The following SGPP2 variants were observed in gnomAD, a reference collection of about 807,000 sequenced individuals.
SGPP2 encodes sphingosine-1-phosphate phosphatase 2, also known as sphingosine 1-phosphate phosphohydrolase 2.
In SGPP2, 30 loss-of-function variants were observed where a neutral mutation model predicts 33.9. The observed-to-expected ratio is 0.89, with a 90% confidence interval of 0.66 to 1.20. SGPP2 has a LOEUF of 1.20. Among genes scored for constraint, SGPP2 ranks in the 50% most tolerant of loss-of-function variants. The pLI, the probability that SGPP2 is intolerant of heterozygous loss-of-function variation, is 0.00. For missense variants in SGPP2, 458 were observed against 532.1 expected, an observed-to-expected ratio of 0.86 and a Z score of 1.37; for synonymous variants, 233 against 225.0, an observed-to-expected ratio of 1.04 and a Z score of -0.32.
At chr2:222,424,195 T>C (rs886334962), upstream of SGPP2, among the ~76,000 whole-genome samples, 1 of 146,894 alleles carries the variant, frequency 6.8e-6, no homozygotes, top group Admixed American at 7.1e-5. Context: ...AAGGATGGGC[T>C]AATGGGAGCG....
intron 4 of SGPP2, among the ~76,000 whole-genome samples, chr2:222,546,825 CAAAA>C (rs5838955): frequency 7.7e-5 from 9 of 116,628 alleles, no homozygotes; most frequent in Admixed American, 1.8e-4. Context: ...ACACATGTTG[CAAAA>C]AAAAAAAAAA....
Position 222,561,569 on chromosome 2 carries a change from C to T in SGPP2, c.*2671C>T, listed in dbSNP as rs1299889459. Among the ~76,000 whole-genome samples, 1 of 149,668 alleles carries T rather than the reference C, an allele frequency of 6.7e-6. No individual in the cohort carries two copies. Among genetic ancestry groups the T allele is most frequent in the East Asian group, 1.9e-4 (1 of 5,164 alleles). ...ATATATATCATATACATAATTTTTACTGCTGTCTCTAGTTTTAAGTCCCAA... is the reference window on the plus strand; with the variant it reads ...ATATATATCATATACATAATTTTTATTGCTGTCTCTAGTTTTAAGTCCCAA... On this transcript the variant is annotated 3_prime_UTR_variant, in exon 5 of 5. Transcript: ENST00000321276.
intron 1 of SGPP2, among the ~76,000 whole-genome samples, chr2:222,459,555 G>A (rs147093274): frequency 5.7e-4 from 87 of 152,200 alleles, no homozygotes; most frequent in African/African-American, 2.0e-3. Flanking sequence ...GTATGGCAGA[G>A]TCCCATTATA....
intron 1 of SGPP2, among the ~76,000 whole-genome samples, chr2:222,458,107 G>A (rs577380877): frequency 3.3e-5 from 5 of 152,298 alleles, no homozygotes; most frequent in East Asian, 1.9e-4. Context: ...CCGAAGTGCA[G>A]TGGAGAGATC....
chr2:222,443,068 C>T (rs554921425), intron 1 of SGPP2, among the ~76,000 whole-genome samples: 18 of 152,236 alleles, frequency 1.2e-4, no homozygotes, highest in African/African-American at 4.3e-4. Flanking sequence ...TTAATGCTTC[C>T]TCCTCTAAAA....
At chr2:222,509,109 G>A (rs901654070) in intron 2 of SGPP2, among the ~76,000 whole-genome samples, 11 of 151,716 alleles carry the variant, frequency 7.3e-5, no homozygotes, top group Admixed American at 2.0e-4. Context: ...GGAGACCACA[G>A]AGCACTTTGT....
At chr2:222,490,462 T>C (rs1488686791) in intron 2 of SGPP2, among the ~76,000 whole-genome samples, 1 of 152,200 alleles carries the variant, frequency 6.6e-6, no homozygotes, top group Non-Finnish European at 1.5e-5. Flanking sequence ...AGGGTCTTGC[T>C]CTGTTGCCTA....
At chr2:222,531,716 A>G (rs896348984) in intron 4 of SGPP2, among the ~76,000 whole-genome samples, 2 of 152,182 alleles carry the variant, frequency 1.3e-5, no homozygotes, top group Non-Finnish European at 2.9e-5. Flanking sequence ...TAATAGATAT[A>G]TGGAGGTGGG....
intron 2 of SGPP2, among the ~76,000 whole-genome samples, chr2:222,514,011 A>G (rs1698567686): frequency 6.6e-6 from 1 of 151,834 alleles, no homozygotes; most frequent in Non-Finnish European, 1.5e-5. Flanking sequence ...AAATAATAGC[A>G]CCTCCTGTTA....
Position 222,526,487 on chromosome 2 carries a change from C to T in SGPP2, c.648+1454C>T, listed in dbSNP as rs557844504. 2.0e-4 allele frequency among the ~76,000 whole-genome samples: 31 copies of T among 152,248 alleles called. No homozygotes were observed. The South Asian group carries it at 6.2e-3, about 31-fold the overall frequency. On this transcript the variant is annotated intron_variant, in intron 4 of 4. Coordinates refer to ENST00000321276, the MANE Select transcript of SGPP2 (RefSeq NM_152386.4). ...AGGGCGTTCTCTATTTGCTACACTG[C>T]CACTTCGTGTTACAAAGAGGTTCTC...
intron 4 of SGPP2, among the ~76,000 whole-genome samples, chr2:222,533,127 CAG>C (rs112681825): frequency 6.6e-6 from 1 of 152,012 alleles, no homozygotes; most frequent in Non-Finnish European, 1.5e-5. Flanking sequence ...AAGGAAAAGA[CAG>C]AGAGAAAGAG....
At chr2:222,535,165 T>C (rs1698894611) in intron 4 of SGPP2, among the ~76,000 whole-genome samples, 1 of 150,828 alleles carries the variant, frequency 6.6e-6, no homozygotes, top group African/African-American at 2.4e-5. Context: ...TCACCTGAGG[T>C]CAGGAGTTCA....
At chr2:222,485,278 G>A (rs74987695) in intron 2 of SGPP2, among the ~76,000 whole-genome samples, 16,769 of 152,214 alleles carry the variant, frequency 0.11, 1,248 homozygotes, top group South Asian at 0.23. Flanking sequence ...ATTTGCAAGT[G>A]CCTATATCTA....
At chr2:222,529,152 T>G (rs1444874982) in intron 4 of SGPP2, among the ~76,000 whole-genome samples, 1 of 152,190 alleles carries the variant, frequency 6.6e-6, no homozygotes, top group African/African-American at 2.4e-5. Flanking sequence ...ATTCTGTCCT[T>G]TCTTGTCATT....
intron 4 of SGPP2, among the ~76,000 whole-genome samples, chr2:222,558,106 C>A (rs1024921228): frequency 1.3e-5 from 2 of 151,948 alleles, no homozygotes; most frequent in African/African-American, 4.8e-5. Flanking sequence ...AGAATTTATT[C>A]CAAAAGGTAA....
At position 222,527,526 on chromosome 2, in the gene SGPP2, G is replaced by A. The variant is rs1191174349; in HGVS notation, c.648+2493G>A. Among the ~76,000 whole-genome samples, 8 of 152,184 alleles carry A rather than the reference G, an allele frequency of 5.3e-5. No individual in the cohort carries two copies. In the South Asian group the frequency reaches 1.7e-3, roughly 31 times the overall value. ...CCATGGGGTTTGAATATGCAGCTAT[G>A]GTTGAGAGCCATTATAAAAGACATT... On this transcript the variant is annotated intron_variant, in intron 4 of 4. Coordinates refer to ENST00000321276, the MANE Select transcript of SGPP2 (RefSeq NM_152386.4).
chr2:222,561,748 GA>G lies in SGPP2; in HGVS notation c.*2851del, dbSNP rs1365161408. Among the ~76,000 whole-genome samples, 5 of 151,852 alleles carry G rather than the reference GA, an allele frequency of 3.3e-5. No homozygotes were observed. The highest frequency in any genetic ancestry group is 1.2e-4 in the African/African-American group (5 of 41,320). ...TTAAAGTATTTGATTACTGCAACTG[GA>G]GAATGAAAAGTGTATATTGGTGACG... On this transcript the variant is annotated 3_prime_UTR_variant, in exon 5 of 5. Transcript: ENST00000321276.
intron 1 of SGPP2, among the ~76,000 whole-genome samples, chr2:222,458,188 A>G (rs1319869719): frequency 6.6e-6 from 1 of 151,040 alleles, no homozygotes; most frequent in African/African-American, 2.4e-5. Context: ...AGCTGGAACT[A>G]CAGGCAAGTG....
chr2:222,476,828 A>T lies in SGPP2; in HGVS notation c.378+2102A>T, dbSNP rs769919671. ...TCCGTGCGTGTATATAGGTGTGTGTATATGTGTATGTGTGTATATAGGTGT... is the reference window on the plus strand; with the variant it reads ...TCCGTGCGTGTATATAGGTGTGTGTTTATGTGTATGTGTGTATATAGGTGT... On this transcript the variant is annotated intron_variant, in intron 2 of 4. Coordinates refer to ENST00000321276, the MANE Select transcript of SGPP2 (RefSeq NM_152386.4). The surrounding 1 kb of genome is among the most constrained non-coding windows in gnomAD (Gnocchi z 4.3). Among the ~76,000 whole-genome samples, 1 of 151,438 alleles carries T rather than the reference A, an allele frequency of 6.6e-6. No individual in the cohort carries two copies. Among genetic ancestry groups the T allele is most frequent in the African/African-American group, 2.4e-5 (1 of 41,150 alleles).
Sources: allele counts gnomAD v4.1 joint callset (sites outside exome capture counted in the v4.1 genomes callset), GRCh38; gene constraint gnomAD v4.1.1; non-coding constraint Gnocchi (gnomAD v3.1); transcripts MANE v1.5; gene names NCBI Gene and HGNC (gene_info 2026-07-23, HGNC 2026-07-21).